Variants in VXN observed in about 807,000 individuals in gnomAD.
The protein encoded by VXN is vexin, also known as uncharacterized protein C8orf46.
VXN carries 7 observed loss-of-function variants against 23.1 expected under a neutral mutation model. That is an observed-to-expected ratio of 0.30 (90% CI 0.17 to 0.57). VXN has a LOEUF of 0.57. Ranked by LOEUF, VXN falls within the 20% of genes least tolerant of loss-of-function variation. The pLI, the probability that VXN is intolerant of heterozygous loss-of-function variation, is 0.91. For missense variants in VXN, 238 were observed against 272.6 expected, an observed-to-expected ratio of 0.87 and a Z score of 0.89; for synonymous variants, 120 against 105.8, an observed-to-expected ratio of 1.13 and a Z score of -0.83.
intron 2 of VXN, chr8:66,498,719 G>C (rs540021103): frequency 2.6e-6 from 1 of 383,404 alleles, no homozygotes; most frequent in Non-Finnish European, 5.3e-6. Flanking sequence ...TTCATGCCCC[G>C]GGAGGGGATA....
intron 3 of VXN, among the ~76,000 whole-genome samples, chr8:66,507,986 G>T (rs533461639): frequency 6.6e-6 from 1 of 152,314 alleles, no homozygotes; most frequent in African/African-American, 2.4e-5. Context: ...TAAATGCAGA[G>T]ACCTGACTGA....
intron 5 of VXN, among the ~76,000 whole-genome samples, chr8:66,515,207 G>A (rs988765096): frequency 3.3e-5 from 5 of 152,198 alleles, no homozygotes; most frequent in East Asian, 3.8e-4. Context: ...ACGTGGCTGC[G>A]TTGCAAAGGG....
intron 4 of VXN, 22 bp from the exon 5 acceptor site, chr8:66,513,518 C>G: frequency 6.2e-7 from 1 of 1,605,130 alleles, no homozygotes. Context: ...TCCTCACACT[C>G]CCTCCCGCTT....
chr8:66,494,093 G>T (rs1807598318), intron 1 of VXN, among the ~76,000 whole-genome samples: 1 of 152,114 alleles, frequency 6.6e-6, no homozygotes, highest in African/African-American at 2.4e-5. Flanking sequence ...TCTGAAATGA[G>T]AACAGCTGGC....
rs146976471 is a variant in VXN at position 66,517,122 on chromosome 8, A to G, written c.*1046A>G. 6.6e-6 allele frequency: 1 copy of G among 152,372 alleles called. No homozygotes were observed. Among genetic ancestry groups the G allele is most frequent in the East Asian group, 1.9e-4 (1 of 5,194 alleles). The allele number at this position is 152,372 out of a possible 1,614,324, so 9.4% of individuals were successfully genotyped here. Reference sequence around the variant, plus strand: ...AAAAGTTGACATTTTTGTAGGTCAAAAACAATTGAGCATCAATTTCATATG... The same window carrying G: ...AAAAGTTGACATTTTTGTAGGTCAAGAACAATTGAGCATCAATTTCATATG... On this transcript the variant is annotated 3_prime_UTR_variant, in exon 6 of 6. Coordinates refer to ENST00000305454, the MANE Select transcript of VXN (RefSeq NM_152765.4).
At chr8:66,504,051 T>C (rs1045382673) in intron 2 of VXN, among the ~76,000 whole-genome samples, 3 of 152,134 alleles carry the variant, frequency 2.0e-5, no homozygotes, top group Non-Finnish European at 4.4e-5. Flanking sequence ...ATAACTGGCC[T>C]CCTTGCCACC....
chr8:66,512,391 GC>G (rs1209353222), intron 4 of VXN, among the ~76,000 whole-genome samples: 2 of 152,198 alleles, frequency 1.3e-5, no homozygotes, highest in East Asian at 3.9e-4. Flanking sequence ...CCCACAGTCG[GC>G]CAGCTTGGGA....
intron 3 of VXN, among the ~76,000 whole-genome samples, chr8:66,507,741 G>A (rs1302932809): frequency 2.6e-5 from 4 of 151,992 alleles, no homozygotes; most frequent in Non-Finnish European, 5.9e-5. Context: ...GACTGAGCTG[G>A]GGATTGGTTC....
intron 2 of VXN, 37 bp from the exon 3 acceptor site, chr8:66,505,338 A>G: frequency 6.4e-7 from 1 of 1,565,482 alleles, no homozygotes; most frequent in Non-Finnish European, 8.7e-7. Context: ...AGGCCCGAGC[A>G]GAGGAGTGGG....
At chr8:66,511,823 T>G (rs1191249649) in intron 4 of VXN, among the ~76,000 whole-genome samples, 1 of 151,624 alleles carries the variant, frequency 6.6e-6, no homozygotes, top group Non-Finnish European at 1.5e-5. Context: ...TCCCAGCACT[T>G]TGGGAGGCGG....
chr8:66,501,319 C>T (rs1807689845), intron 2 of VXN: 2 of 152,126 alleles, frequency 1.3e-5, no homozygotes, highest in African/African-American at 4.8e-5. Context: ...CACTGTATGC[C>T]TTTTTCGAGA....
chr8:66,513,102 A>C (rs1586523001), intron 4 of VXN, among the ~76,000 whole-genome samples: 1 of 152,182 alleles, frequency 6.6e-6, no homozygotes, highest in Non-Finnish European at 1.5e-5. Context: ...GGCTGGCCCT[A>C]CCCTACGTAG....
intron 3 of VXN, among the ~76,000 whole-genome samples, chr8:66,509,671 C>T (rs1417427855): frequency 6.6e-6 from 1 of 152,222 alleles, no homozygotes; most frequent in African/African-American, 2.4e-5. Flanking sequence ...GCACCTACTG[C>T]ATGCAGACAC....
chr8:66,510,202 C>G (rs1176832594), intron 4 of VXN, 45 bp downstream of exon 4: 1 of 1,479,726 alleles, frequency 6.8e-7, no homozygotes, highest in Non-Finnish European at 9.3e-7. Flanking sequence ...GTGCATTAAA[C>G]TTCTGGTCAT....
chr8:66,496,564 C>T, intron 2 of VXN, 72 bp downstream of exon 2: 22 of 1,382,130 alleles, frequency 1.6e-5, no homozygotes, highest in Non-Finnish European at 2.2e-5. Flanking sequence ...TTCTTCTTCA[C>T]TCTCGCTCCC....
chr8:66,494,016 A>AC (rs1024962687), intron 1 of VXN, among the ~76,000 whole-genome samples: 2 of 152,246 alleles, frequency 1.3e-5, no homozygotes, highest in African/African-American at 4.8e-5. Flanking sequence ...TGCTATGCAC[A>AC]CAGGTGAAAA....
Position 66,518,452 on chromosome 8 carries a change from T to C in VXN, c.*2376T>C, listed in dbSNP as rs375724067. 4 of 152,366 alleles carry C rather than the reference T, an allele frequency of 2.6e-5. No individual in the cohort carries two copies. The highest frequency in any genetic ancestry group is 9.6e-5 in the African/African-American group (4 of 41,580). The allele number at this position is 152,366 out of a possible 1,614,324, so 9.4% of individuals were successfully genotyped here. On this transcript the variant is annotated 3_prime_UTR_variant, in exon 6 of 6. Transcript: ENST00000305454. ...TTCATGTTGAACTGTTTGCCTTGTA[T>C]GGAACATTTTACTTGGCCAATTCAA...
At chr8:66,495,086 A>G (rs1019665643) in intron 1 of VXN, 4 of 152,224 alleles carry the variant, frequency 2.6e-5, no homozygotes, top group African/African-American at 9.6e-5. Flanking sequence ...ATGGATATGT[A>G]TCTAGAGAAA....
intron 1 of VXN, chr8:66,494,941 A>G (rs1807609335): frequency 6.6e-6 from 1 of 152,262 alleles, no homozygotes; most frequent in South Asian, 2.1e-4. Context: ...CAACAGGAAT[A>G]AACTAGATGT....
Sources: gnomAD v4.1 joint callset for allele counts (sites outside exome capture counted in the v4.1 genomes callset) on GRCh38, gnomAD v4.1.1 for gene constraint, MANE v1.5 for transcripts, NCBI Gene and HGNC (gene_info 2026-07-23, HGNC 2026-07-21) for gene names.